PCSK6: variants seen among roughly 807,000 people sequenced by gnomAD.
PCSK6 encodes proprotein convertase subtilisin/kexin type 6.
A neutral mutation model predicts 123.3 loss-of-function variants in PCSK6; 85 were observed. The observed-to-expected ratio is 0.69, with a 90% CI of 0.58 to 0.83. The LOEUF (loss-of-function observed/expected upper bound fraction) is 0.83. PCSK6 is among the 40% of genes least tolerant of loss of function. The pLI, the probability that PCSK6 is intolerant of heterozygous loss-of-function variation, is 0.00. For missense variants in PCSK6, 1,191 were observed against 1,282.3 expected, an observed-to-expected ratio of 0.93 and a Z score of 1.09; for synonymous variants, 508 against 516.0, an observed-to-expected ratio of 0.98 and a Z score of 0.21.
intron 18 of PCSK6, among the ~76,000 whole-genome samples, chr15:101,318,832 G>A (rs74041996): frequency 0.095 from 14,508 of 152,242 alleles, 1,341 homozygotes; most frequent in African/African-American, 0.23. Context: ...CGGGGCTGTC[G>A]GCTACAAGGC....
At chr15:101,482,286 G>C (rs1182517865) in intron 1 of PCSK6, among the ~76,000 whole-genome samples, 1 of 152,198 alleles carries the variant, frequency 6.6e-6, no homozygotes, top group African/African-American at 2.4e-5. Context: ...TGCAGGGCTG[G>C]TGAGGGCCTT....
chr15:101,435,030 C>A (rs922015610), intron 2 of PCSK6, among the ~76,000 whole-genome samples: 1 of 152,218 alleles, frequency 6.6e-6, no homozygotes, highest in Admixed American at 6.5e-5. Flanking sequence ...GCGCTAGGTT[C>A]TGGGAAGATC....
At chr15:101,436,394 A>G (rs992730826) in intron 2 of PCSK6, among the ~76,000 whole-genome samples, 1 of 152,216 alleles carries the variant, frequency 6.6e-6, no homozygotes, top group East Asian at 1.9e-4. Context: ...GGTTCTGCAC[A>G]GTTGTAGCCA....
chr15:101,413,634 C>A (rs1473670750), intron 6 of PCSK6, among the ~76,000 whole-genome samples: 1 of 121,938 alleles, frequency 8.2e-6, no homozygotes, highest in African/African-American at 3.4e-5. Context: ...TGACAGCAGA[C>A]CGGGGGGCTA....
chr15:101,444,359 C>T (rs1003413970), intron 1 of PCSK6, among the ~76,000 whole-genome samples: 2 of 152,068 alleles, frequency 1.3e-5, no homozygotes, highest in African/African-American at 2.4e-5. Flanking sequence ...TGTCCGGGCT[C>T]GAGCATGGGG....
intron 3 of PCSK6, 91 bp downstream of exon 3, chr15:101,431,899 T>C (rs2056458564): frequency 6.6e-6 from 6 of 912,936 alleles, no homozygotes; most frequent in Non-Finnish European, 8.9e-6. Flanking sequence ...GAGATGTTGT[T>C]TGAATTTAGC....
At chr15:101,333,268 C>T (rs1016457082) in intron 13 of PCSK6, among the ~76,000 whole-genome samples, 2 of 152,238 alleles carry the variant, frequency 1.3e-5, no homozygotes, top group Non-Finnish European at 2.9e-5. Flanking sequence ...AGGACAGCTG[C>T]TCATGCTGAC....
intron 18 of PCSK6, among the ~76,000 whole-genome samples, chr15:101,321,707 C>T (rs745407323): frequency 6.6e-6 from 1 of 152,258 alleles, no homozygotes; most frequent in African/African-American, 2.4e-5. Context: ...AAGCAGCTCC[C>T]TGCCTGGACC....
intron 13 of PCSK6, among the ~76,000 whole-genome samples, chr15:101,352,467 A>G (rs1318030842): frequency 1.3e-5 from 2 of 152,148 alleles, no homozygotes; most frequent in African/African-American, 2.4e-5. Flanking sequence ...CCAGACAGAA[A>G]TTTCTAATTT....
intron 1 of PCSK6, among the ~76,000 whole-genome samples, chr15:101,483,219 G>T (rs953770042): frequency 6.6e-6 from 1 of 152,186 alleles, no homozygotes; most frequent in African/African-American, 2.4e-5. Flanking sequence ...CCAAACCCCT[G>T]ACGCTGTGGC....
At chr15:101,420,168 G>A (rs2056035227) in intron 6 of PCSK6, among the ~76,000 whole-genome samples, 1 of 140,726 alleles carries the variant, frequency 7.1e-6, no homozygotes, top group South Asian at 2.4e-4. Context: ...TCCAGCCTGG[G>A]TGACAGAGTG....
intron 13 of PCSK6, 193 bp downstream of exon 13, chr15:101,366,003 C>T (rs2141452878): frequency 3.8e-6 from 2 of 529,138 alleles, no homozygotes; most frequent in South Asian, 3.1e-5. Context: ...GTTTACATGA[C>T]ATCGTGGATG....
At chr15:101,436,967 C>G (rs1215160460) in intron 2 of PCSK6, among the ~76,000 whole-genome samples, 5 of 152,238 alleles carry the variant, frequency 3.3e-5, no homozygotes, top group African/African-American at 9.6e-5. Context: ...CTGGAGCCAT[C>G]TTGCCCTGGA....
chr15:101,456,120 T>G (rs191655749), intron 1 of PCSK6, among the ~76,000 whole-genome samples: 96 of 152,356 alleles, frequency 6.3e-4, no homozygotes, highest in African/African-American at 1.7e-3. Flanking sequence ...AGAACTTGCA[T>G]ACTCAAAGTA....
chr15:101,370,118 C>G (rs1348917173), intron 12 of PCSK6, among the ~76,000 whole-genome samples: 1 of 152,202 alleles, frequency 6.6e-6, no homozygotes, highest in Non-Finnish European at 1.5e-5. Context: ...TTTCCAGGAC[C>G]TTTTGGAAGG....
chr15:101,475,411 A>G (rs1174461220), intron 1 of PCSK6, among the ~76,000 whole-genome samples: 1 of 152,250 alleles, frequency 6.6e-6, no homozygotes, highest in African/African-American at 2.4e-5. Flanking sequence ...CCCCACTGAA[A>G]AAATGGGCAA....
intron 13 of PCSK6, chr15:101,347,178 C>T: frequency 8.1e-7 from 1 of 1,231,720 alleles, no homozygotes; most frequent in South Asian, 4.1e-5. Flanking sequence ...GCACAGAAGG[C>T]ATGTGCTTTA....
At chr15:101,403,479 GT>G (rs2042671346) in intron 6 of PCSK6, among the ~76,000 whole-genome samples, 1 of 151,712 alleles carries the variant, frequency 6.6e-6, no homozygotes, top group African/African-American at 2.4e-5. Context: ...TAACTGATTG[GT>G]TTTTCTTTTT....
At chr15:101,477,045 T>G (rs540683842) in intron 1 of PCSK6, among the ~76,000 whole-genome samples, 1 of 152,214 alleles carries the variant, frequency 6.6e-6, no homozygotes, top group African/African-American at 2.4e-5. Context: ...TGCAGCACTA[T>G]CCACCTCCCC....
Sources: allele counts gnomAD v4.1 joint callset (sites outside exome capture counted in the v4.1 genomes callset), GRCh38; gene constraint gnomAD v4.1.1; transcripts MANE v1.5; gene names NCBI Gene and HGNC (gene_info 2026-07-23, HGNC 2026-07-21).